LRP1B: variants seen among roughly 807,000 people sequenced by gnomAD.
LRP1B encodes low-density lipoprotein receptor-related protein 1B.
Under a neutral mutation model 556.6 loss-of-function variants are expected in LRP1B, and 217 were observed. The observed-to-expected ratio is 0.39, with a 90% CI of 0.35 to 0.44. LRP1B has a LOEUF of 0.44. Among genes scored for constraint, LRP1B ranks in the 20% least tolerant of loss-of-function variants. The pLI, the probability that LRP1B is intolerant of heterozygous loss-of-function variation, is 1.00. For synonymous variants in LRP1B, 2,047 were observed against 1,865.8 expected (o/e 1.10, Z -2.50); for missense variants, 5,053 against 5,620.8 (o/e 0.90, Z 3.23).
intron 35 of LRP1B, among the ~76,000 whole-genome samples, chr2:140,757,032 T>C (rs1001308214): frequency 6.6e-6 from 1 of 152,160 alleles, no homozygotes; most frequent in Admixed American, 6.5e-5. Context: ...CATATACACA[T>C]ATAAATGGCT....
intron 1 of LRP1B, among the ~76,000 whole-genome samples, chr2:142,035,439 AG>A (rs974977078): frequency 3.3e-5 from 5 of 151,562 alleles, no homozygotes; most frequent in Admixed American, 1.3e-4. Flanking sequence ...CCAGTATTCC[AG>A]GGTAGTGGAG....
At chr2:141,952,195 G>T (rs1439478522) in intron 1 of LRP1B, among the ~76,000 whole-genome samples, 5 of 150,314 alleles carry the variant, frequency 3.3e-5, no homozygotes, top group Non-Finnish European at 7.4e-5. Flanking sequence ...CTTTTTTTAT[G>T]GCTGCATAAT....
At chr2:140,970,800 G>T (rs1051729774) in intron 18 of LRP1B, among the ~76,000 whole-genome samples, 6 of 134,248 alleles carry the variant, frequency 4.5e-5, no homozygotes, top group African/African-American at 1.7e-4. Flanking sequence ...CAGTGTAATG[G>T]AACACTCCTG....
At chr2:140,427,856 T>C in intron 66 of LRP1B, among the ~76,000 whole-genome samples, 1 of 152,072 alleles carries the variant, frequency 6.6e-6, no homozygotes, top group East Asian at 1.9e-4. Context: ...TCCTCCACCC[T>C]ATAATCCTTT....
At chr2:141,510,684 G>A (rs72851386) in intron 2 of LRP1B, among the ~76,000 whole-genome samples, 9,120 of 152,052 alleles carry the variant, frequency 0.06, 345 homozygotes, top group South Asian at 0.18. Context: ...GTGCTCAAAA[G>A]CAACCTTTTC....
At chr2:141,748,808 A>G (rs1427433442) in intron 2 of LRP1B, among the ~76,000 whole-genome samples, 1 of 152,192 alleles carries the variant, frequency 6.6e-6, no homozygotes, top group Non-Finnish European at 1.5e-5. Flanking sequence ...GCAAACATGC[A>G]AAGCTTTTAA....
At chr2:140,510,344 G>A (rs1014197193) in intron 51 of LRP1B, among the ~76,000 whole-genome samples, 5 of 152,168 alleles carry the variant, frequency 3.3e-5, no homozygotes, top group Non-Finnish European at 5.9e-5. Flanking sequence ...AAATGTCATA[G>A]AATTGTGAAT....
chr2:142,122,097 T>G (rs1228944054), intron 1 of LRP1B, among the ~76,000 whole-genome samples: 1 of 152,138 alleles, frequency 6.6e-6, no homozygotes, highest in Non-Finnish European at 1.5e-5. Context: ...TATGTTTATC[T>G]TCTCAGAATG....
chr2:141,809,863 T>C (rs531940086), intron 2 of LRP1B, among the ~76,000 whole-genome samples: 1 of 152,114 alleles, frequency 6.6e-6, no homozygotes, highest in East Asian at 1.9e-4. Context: ...TCTCAAAATG[T>C]GTGAGATAAT....
At chr2:140,356,594 T>A (rs1682233637) in intron 74 of LRP1B, 118 bp from the exon 75 acceptor site, 2 of 669,412 alleles carry the variant, frequency 3.0e-6, no homozygotes, top group Non-Finnish European at 5.1e-6. Context: ...TTTTTGAATG[T>A]ACAAGGTTAC....
chr2:141,390,778 G>A (rs1690022994), intron 3 of LRP1B, among the ~76,000 whole-genome samples: 1 of 152,226 alleles, frequency 6.6e-6, no homozygotes, highest in South Asian at 2.1e-4. Flanking sequence ...GGGCTGGAGT[G>A]AGGGGAGAAT....
In LRP1B at chr2:141,157,316, A is replaced by G. The variant is rs866754950; in HGVS notation, c.1013+31105T>C. ...TAAAATAAAGTTTCATTATTACTTC[A>G]TATATATAAAATATACGTATTTTCC... On this transcript the variant is annotated intron_variant, in intron 7 of 90. Coordinates refer to ENST00000389484, the MANE Select transcript of LRP1B (RefSeq NM_018557.3). Among the ~76,000 whole-genome samples the G allele has an allele frequency of 3.3e-5, 5 of 152,208 alleles. No individual in the cohort carries two copies. In the South Asian group the frequency reaches 1.0e-3, roughly 32 times the overall value.
At chr2:141,466,844 G>A (rs755714347) in intron 3 of LRP1B, among the ~76,000 whole-genome samples, 9 of 151,572 alleles carry the variant, frequency 5.9e-5, no homozygotes, top group Non-Finnish European at 1.3e-4. Context: ...GTAAAATTCT[G>A]TAAAACTACT....
intron 2 of LRP1B, among the ~76,000 whole-genome samples, chr2:141,636,347 AATTAG>A (rs1353959424): frequency 1.3e-5 from 2 of 152,156 alleles, no homozygotes; most frequent in African/African-American, 2.4e-5. Flanking sequence ...TAACGTAATA[AATTAG>A]ATGTCCAAAA....
Position 140,521,387 on chromosome 2 carries a change from G to A in LRP1B, c.8027-4376C>T, listed in dbSNP as rs548692436. ...ACCTTAAAATCTAGAAGAGATTGGG[G>A]ACCTATTTTTAGCATTCTTAAGGAA... On this transcript the variant is annotated intron_variant, in intron 49 of 90. Transcript: ENST00000389484. 3.3e-5 allele frequency among the ~76,000 whole-genome samples: 5 copies of A among 152,156 alleles called. No individual in the cohort carries two copies. The East Asian group carries it at 9.7e-4, about 29-fold the overall frequency.
intron 47 of LRP1B, among the ~76,000 whole-genome samples, chr2:140,532,554 G>A (rs560287186): frequency 2.0e-5 from 3 of 151,874 alleles, no homozygotes; most frequent in East Asian, 3.9e-4. Context: ...GTGCAACCAC[G>A]CCTGGCTAAT....
rs372227076 is a variant in LRP1B at position 140,536,818 on chromosome 2, T to C, written c.7514-109A>G. On this transcript the variant is annotated intron_variant, in intron 45 of 90. Transcript: ENST00000389484. Reference sequence around the variant, plus strand: ...AATTATAAAGATAAACTAAAATTTATCAAAATGTACAATTAAAGAGCAATG... The same window carrying C: ...AATTATAAAGATAAACTAAAATTTACCAAAATGTACAATTAAAGAGCAATG... 13 of 786,826 alleles carry C rather than the reference T, an allele frequency of 1.7e-5. No individual in the cohort carries two copies. The East Asian group carries it at 2.2e-4, about 14-fold the overall frequency. 48.7% of individuals were successfully genotyped at this position (786,826 alleles called of 1,614,324 possible).
At chr2:141,492,091 A>AAAAAAGAAAAAC (rs67960557) in intron 2 of LRP1B, among the ~76,000 whole-genome samples, 1 of 100,194 alleles carries the variant, frequency 1.0e-5, no homozygotes, top group Admixed American at 1.3e-4. Flanking sequence ...AAAAAAAAAA[A>AAAAAAGAAAAAC]CACTAAGAAA....
intron 59 of LRP1B, among the ~76,000 whole-genome samples, chr2:140,479,410 CA>C (rs960652420): frequency 3.3e-5 from 5 of 152,078 alleles, no homozygotes; most frequent in South Asian, 2.1e-4. Context: ...ATGTTTACCC[CA>C]ATCTCATATG....
Sources: gnomAD v4.1 joint callset for allele counts (sites outside exome capture counted in the v4.1 genomes callset) on GRCh38, gnomAD v4.1.1 for gene constraint, MANE v1.5 for transcripts, NCBI Gene and HGNC (gene_info 2026-07-23, HGNC 2026-07-21) for gene names.